The following PRPF31 variants were observed in gnomAD, a reference collection of about 807,000 sequenced individuals.
PRPF31 encodes U4/U6 small nuclear ribonucleoprotein Prp31.
Under a neutral mutation model 60.4 loss-of-function variants are expected in PRPF31, and 12 were observed. That is an observed-to-expected ratio of 0.20 (90% confidence interval 0.13 to 0.32). The LOEUF is 0.32. PRPF31 is among the 10% of genes least tolerant of loss of function. The pLI, the probability that PRPF31 is intolerant of heterozygous loss-of-function variation, is 1.00. For synonymous variants in PRPF31, 287 were observed against 287.9 expected (o/e 1.00, Z 0.03); for missense variants, 431 against 687.1 (o/e 0.63, Z 4.17).
intron 11 of PRPF31, 69 bp from the exon 12 acceptor site, chr19:54,128,988 G>A: frequency 6.7e-7 from 1 of 1,481,918 alleles, no homozygotes; most frequent in Non-Finnish European, 9.2e-7. Flanking sequence ...GGCTGGTGGA[G>A]GGGGTGCCTC....
intron 1 of PRPF31, among the ~76,000 whole-genome samples, chr19:54,117,564 C>T (rs184348804): frequency 2.2e-4 from 33 of 151,736 alleles, no homozygotes; most frequent in Admixed American, 9.2e-4. Flanking sequence ...TTAGCCCCTG[C>T]GGCGAGGCGC....
chr19:54,124,372 C>T lies in PRPF31; in HGVS notation c.698-127C>T, dbSNP rs901149737. 45 of 939,818 alleles carry T rather than the reference C, an allele frequency of 4.8e-5. 1 individual carries two copies. The highest frequency in any genetic ancestry group is 3.6e-4 in the South Asian group (25 of 69,920). The allele number at this position is 939,818 out of a possible 1,614,324, so 58.2% of individuals were successfully genotyped here. A position where few individuals can be genotyped will look rare whatever the true frequency, so the allele number is the denominator to read the frequency against. On this transcript the variant is annotated intron_variant, in intron 7 of 13. Coordinates refer to ENST00000321030, the MANE Select transcript of PRPF31 (RefSeq NM_015629.4). ...CAGGTCGCCCGCCTGGCAGGGCCAT[C>T]GAGGAATCCAACCAGAACTTCATGT...
At chr19:54,124,194 G>A in intron 7 of PRPF31, 1 of 699,904 alleles carries the variant, frequency 1.4e-6, no homozygotes, top group South Asian at 1.9e-5. Flanking sequence ...TGGTGAAAAT[G>A]GTTCCAAAAC....
intron 3 of PRPF31, chr19:54,120,382 G>T (rs1326900254): frequency 6.6e-6 from 1 of 152,232 alleles, no homozygotes; most frequent in African/African-American, 2.4e-5. Context: ...TTTACTGGAG[G>T]TGCACAAGTG....
rs145874158 is a variant in PRPF31 at position 54,117,495 on chromosome 19, G to A, written c.-8-776G>A. On this transcript the variant is annotated intron_variant, in intron 1 of 13. Transcript: ENST00000321030. ...ACAATGGCCACGTTGTAGATTGATC[G>A]CCTTGAGGTGATCTCTGGAGTTTTG... Among the ~76,000 whole-genome samples, 1,067 of 152,268 alleles carry A rather than the reference G, an allele frequency of 7.0e-3. 9 individuals are homozygous for A. The highest frequency in any genetic ancestry group is 0.024 in the African/African-American group (991 of 41,554).
chr19:54,118,161 G>C (rs2073696503), intron 1 of PRPF31, 110 bp from the exon 2 acceptor site: 2 of 1,472,180 alleles, frequency 1.4e-6, no homozygotes, highest in Non-Finnish European at 1.9e-6. Flanking sequence ...CTGCATGCTA[G>C]TGGGGTTGAT....
intron 7 of PRPF31, 188 bp from the exon 8 acceptor site, chr19:54,124,311 T>C: frequency 1.5e-6 from 1 of 671,670 alleles, no homozygotes; most frequent in Middle Eastern, 4.1e-4. Context: ...CCTCCCTCTC[T>C]GAGCCTCCTT....
intron 1 of PRPF31, among the ~76,000 whole-genome samples, chr19:54,118,019 G>T (rs944512836): frequency 6.6e-6 from 1 of 152,192 alleles, no homozygotes; most frequent in Non-Finnish European, 1.5e-5. Flanking sequence ...AAATGCATTT[G>T]GAATCTACAC....
intron 5 of PRPF31, 24 bp downstream of exon 5, chr19:54,122,618 C>T (rs756999383): frequency 2.3e-5 from 37 of 1,593,002 alleles, no homozygotes; most frequent in Non-Finnish European, 3.0e-5. Context: ...AGGTGGGGTG[C>T]TTCTGCTGGC....
At chr19:54,124,924 T>C (rs1600345435) in intron 8 of PRPF31, 2 of 583,816 alleles carry the variant, frequency 3.4e-6, no homozygotes, top group East Asian at 2.9e-5. Context: ...GCTTCATGAG[T>C]TGGGACGAGG....
In PRPF31 at chr19:54,130,609, A is replaced by G. The variant is rs587648511; in HGVS notation, c.1375-698A>G. On this transcript the variant is annotated intron_variant, in intron 13 of 13. Transcript: ENST00000321030. ...CACTGCACTTCAGCCTGGGCGACAG[A>G]GCCAGACTCTGTCTCAAAAAAAAAA... 6.6e-4 allele frequency among the ~76,000 whole-genome samples: 99 copies of G among 150,936 alleles called. 1 individual carries two copies. Among genetic ancestry groups the G allele is most frequent in the Admixed American group, 2.3e-3 (35 of 15,178 alleles).
At chr19:54,121,967 G>C in intron 4 of PRPF31, 24 bp downstream of exon 4, 1 of 1,600,406 alleles carries the variant, frequency 6.2e-7, no homozygotes. Context: ...GGCAGGCGGA[G>C]ACAGCCCCGT....
At chr19:54,122,465 C>G (rs1443200039) in intron 4 of PRPF31, 32 bp from the exon 5 acceptor site, 2 of 1,529,026 alleles carry the variant, frequency 1.3e-6, no homozygotes, top group Non-Finnish European at 1.8e-6. Flanking sequence ...CCTTCCATCT[C>G]ACCCGACAAC....
At position 54,123,854 on chromosome 19, in the gene PRPF31, G is replaced by C. The variant is rs1453741267; in HGVS notation, c.633G>C (p.Arg211=). Residue 211 remains arginine (R), a synonymous_variant, in exon 7 of 14, where the codon CGG becomes CGC. Coordinates refer to ENST00000321030, the MANE Select transcript of PRPF31 (RefSeq NM_015629.4). The part of the protein sequence containing the change: ...KHRIYEYVES[R]MSFIAPNLSI... ...GCATCTACGAGTATGTGGAGTCCCG[G>C]ATGTCCTTCATCGCACCCAACCTGT... 3.1e-6 allele frequency: 5 copies of C among 1,613,844 alleles called. No homozygotes were observed. The highest frequency in any genetic ancestry group is 4.2e-6 in the Non-Finnish European group (5 of 1,180,020).
chr19:54,120,769 G>A (rs909583981), intron 3 of PRPF31, among the ~76,000 whole-genome samples: 1 of 152,016 alleles, frequency 6.6e-6, no homozygotes, highest in Non-Finnish European at 1.5e-5. Flanking sequence ...CACCATGCCT[G>A]GCTAATTTTT....
intron 3 of PRPF31, among the ~76,000 whole-genome samples, chr19:54,121,426 A>G (rs2146406921): frequency 6.6e-6 from 1 of 152,178 alleles, no homozygotes; most frequent in African/African-American, 2.4e-5. Context: ...GGGAGGCCAG[A>G]CTGCAGAGCT....
chr19:54,126,114 A>G (rs2073914319), intron 8 of PRPF31, among the ~76,000 whole-genome samples: 1 of 152,214 alleles, frequency 6.6e-6, no homozygotes, highest in Non-Finnish European at 1.5e-5. Context: ...CCCTGGCCAC[A>G]TGACTTGAAG....
chr19:54,124,248 TG>T, intron 7 of PRPF31: 5 of 631,550 alleles, frequency 7.9e-6, no homozygotes, highest in Admixed American at 2.9e-5. Context: ...AGCACAAACG[TG>T]GTGGTCAGCT....
chr19:54,127,504 G>A (rs1033762689), intron 9 of PRPF31, among the ~76,000 whole-genome samples: 2 of 151,004 alleles, frequency 1.3e-5, no homozygotes, highest in African/African-American at 5.0e-5. Flanking sequence ...ACCTCTTCAC[G>A]TCCCTTTTGC....
Sources: allele counts gnomAD v4.1 joint callset (sites outside exome capture counted in the v4.1 genomes callset), GRCh38; gene constraint gnomAD v4.1.1; transcripts MANE v1.5; gene names NCBI Gene and HGNC (gene_info 2026-07-23, HGNC 2026-07-21).